Variants in MAP4 observed in about 807,000 individuals in gnomAD.
MAP4 encodes microtubule-associated protein 4.
A neutral mutation model predicts 170.2 loss-of-function variants in MAP4; 76 were observed. The observed-to-expected ratio is 0.45, with a 90% CI of 0.37 to 0.54. The LOEUF is 0.54. MAP4 is among the 20% of genes least tolerant of loss of function. The pLI is 0.00. For missense variants in MAP4, 2,506 were observed against 2,748.0 expected (o/e 0.91, Z 1.97); for synonymous variants, 909 against 994.5 (o/e 0.91, Z 1.62).
intron 1 of MAP4, among the ~76,000 whole-genome samples, chr3:48,073,042 C>A (rs1427990477): frequency 6.7e-6 from 1 of 148,730 alleles, no homozygotes; most frequent in Non-Finnish European, 1.5e-5. Context: ...ACGAGCCTGG[C>A]CAACATGGTG....
At chr3:48,005,128 G>A (rs1474972020) in intron 1 of MAP4, among the ~76,000 whole-genome samples, 2 of 152,142 alleles carry the variant, frequency 1.3e-5, no homozygotes, top group South Asian at 4.1e-4. Context: ...TTGTGAGGCC[G>A]AGGTGGGCGG....
chr3:48,007,671 C>T (rs1342228484), intron 1 of MAP4, among the ~76,000 whole-genome samples: 5 of 117,824 alleles, frequency 4.2e-5, no homozygotes, highest in Non-Finnish European at 8.6e-5. Flanking sequence ...CAGATAACTA[C>T]TCTCCTTTTT....
At chr3:47,943,771 T>C (rs893377520) in intron 3 of MAP4, among the ~76,000 whole-genome samples, 3 of 152,148 alleles carry the variant, frequency 2.0e-5, no homozygotes, top group South Asian at 2.1e-4. Context: ...AGGAAGGAGA[T>C]AACTTTAAGA....
At chr3:47,883,768 TGAAAA>T (rs1359658903) in intron 10 of MAP4, among the ~76,000 whole-genome samples, 2 of 152,170 alleles carry the variant, frequency 1.3e-5, no homozygotes, top group Admixed American at 6.6e-5. Context: ...TTTTGGCACT[TGAAAA>T]ATGTTGTGCC....
chr3:47,936,849 G>A (rs942292036), intron 3 of MAP4, among the ~76,000 whole-genome samples: 11 of 151,262 alleles, frequency 7.3e-5, no homozygotes, highest in African/African-American at 1.5e-4. Flanking sequence ...GCATGGTAGC[G>A]GGCTCCTGTA....
In MAP4 at chr3:47,850,787, A is replaced by C. The variant is rs2040370902; in HGVS notation, c.*2147T>G. 1 of 152,630 alleles carries C rather than the reference A, an allele frequency of 6.6e-6. No individual in the cohort carries two copies. The highest frequency in any genetic ancestry group is 1.5e-5 in the Non-Finnish European group (1 of 68,384). The allele number at this position is 152,630 out of a possible 1,614,324, so 9.5% of individuals were successfully genotyped here. On this transcript the variant is annotated 3_prime_UTR_variant, in exon 21 of 21. Transcript: ENST00000683076. ...CAGGTAATGGCTGAGCCATAAGCAAATCGAGAAGTACAGAAATGTCCCACC... is the reference window on the plus strand; with the variant it reads ...CAGGTAATGGCTGAGCCATAAGCAACTCGAGAAGTACAGAAATGTCCCACC...
At chr3:47,974,746 T>C (rs2100080977) in intron 3 of MAP4, 3 of 981,118 alleles carry the variant, frequency 3.1e-6, no homozygotes, top group Non-Finnish European at 3.6e-6. Context: ...CAATCTTAGA[T>C]TGTTAAGAGT....
chr3:47,924,471 CTA>C (rs902977821), intron 4 of MAP4, among the ~76,000 whole-genome samples: 3 of 152,172 alleles, frequency 2.0e-5, no homozygotes, highest in Non-Finnish European at 4.4e-5. Flanking sequence ...TTCTATCCTT[CTA>C]TGTTTTTTGC....
At chr3:48,076,745 T>A (rs2100144139) in intron 1 of MAP4, among the ~76,000 whole-genome samples, 1 of 152,112 alleles carries the variant, frequency 6.6e-6, no homozygotes, top group South Asian at 2.1e-4. Flanking sequence ...AGAGAAATCT[T>A]TATCACCTTA....
chr3:47,866,381 A>C (rs1290700066), intron 17 of MAP4, among the ~76,000 whole-genome samples: 1 of 151,674 alleles, frequency 6.6e-6, no homozygotes, highest in Non-Finnish European at 1.5e-5. Flanking sequence ...CAAACAAAAA[A>C]ACAGGAAAAG....
intron 3 of MAP4, chr3:47,975,149 A>C: frequency 8.8e-7 from 1 of 1,136,566 alleles, no homozygotes; most frequent in Non-Finnish European, 1.1e-6. Context: ...AATCATAAAG[A>C]AAACAAGAAA....
Position 47,909,051 on chromosome 3 carries a change from T to A in MAP4, c.5370A>T (p.Gln1790His). 1 of 1,612,796 alleles carries A rather than the reference T, an allele frequency of 6.2e-7. No individual in the cohort carries two copies. The highest frequency in any genetic ancestry group is 1.1e-5 in the South Asian group (1 of 90,872). ...GCAGGTTCATACCAGCGGACTTCAG[T>A]TGCTTATGTCTCTCTTGTTCCTGGA... The part of the protein sequence containing the change: ...STIQEQERHK[Q>H]LKSAVCLSSS... Residue 1790 changes from glutamine (Q) to histidine (H), a missense_variant, in exon 9 of 21, where the codon CAA (glutamine) becomes CAT (histidine). This residue lies in a region of MAP4 where 2,008 missense variants were observed against 2,206.0 expected (regional missense o/e 0.91). Transcript: ENST00000683076.
At position 47,909,022 on chromosome 3, in the gene MAP4, CATG is replaced by C. The variant is rs779425165; in HGVS notation, c.5383+13_5383+15del. On this transcript the variant is annotated intron_variant, in intron 9 of 20. Coordinates refer to ENST00000683076, the MANE Select transcript of MAP4 (RefSeq NM_001385682.1). ...AAAGCCACAAGCACACACATTTCCC[CATG>C]GCAGGTTCATACCAGCGGACTTCAG... is the stretch of plus-strand genomic sequence containing the variant. The C allele has an allele frequency of 1.9e-6, 3 of 1,601,854 alleles. No homozygotes were observed. The African/African-American group carries it at 4.0e-5, about 22-fold the overall frequency.
intron 12 of MAP4, 70 bp from the exon 13 acceptor site, chr3:47,872,170 C>T (rs773299829): frequency 3.8e-5 from 51 of 1,349,466 alleles, no homozygotes; most frequent in Non-Finnish European, 4.6e-5. Context: ...CTACAAGATG[C>T]TTCTTTTTTT....
intron 10 of MAP4, among the ~76,000 whole-genome samples, chr3:47,882,902 G>A (rs140189945): frequency 2.6e-5 from 4 of 152,136 alleles, no homozygotes; most frequent in African/African-American, 7.2e-5. Context: ...TGCCTCCCAG[G>A]TTCAAGTGAT....
In MAP4 at chr3:47,949,984, G is replaced by C. The variant is rs200764264; in HGVS notation, c.293-21634C>G. ...GAGCAGCTTCCTAGACAGTTTTGTT[G>C]GCACTCCAGCAAACAATACTCTTGC... On this transcript the variant is annotated intron_variant, in intron 3 of 20. Transcript: ENST00000683076. 3.3e-5 allele frequency among the ~76,000 whole-genome samples: 5 copies of C among 152,234 alleles called. No homozygotes were observed. The East Asian group carries it at 9.6e-4, about 29-fold the overall frequency.
chr3:47,865,436 C>T (rs2151458559), intron 17 of MAP4, among the ~76,000 whole-genome samples: 1 of 152,252 alleles, frequency 6.6e-6, no homozygotes, highest in South Asian at 2.1e-4. Flanking sequence ...AGCAATTCCA[C>T]CCGAGTGTAA....
chr3:48,013,858 C>A (rs1205574206), intron 1 of MAP4, among the ~76,000 whole-genome samples: 1 of 152,068 alleles, frequency 6.6e-6, no homozygotes, highest in Non-Finnish European at 1.5e-5. Context: ...ACCACTCTGC[C>A]AGAAAATAAG....
chr3:48,021,510 G>A (rs1450366904), intron 1 of MAP4, among the ~76,000 whole-genome samples: 1 of 152,060 alleles, frequency 6.6e-6, no homozygotes, highest in Non-Finnish European at 1.5e-5. Context: ...ACCACATCCG[G>A]CTAATTTTTG....
Sources: gnomAD v4.1 joint callset for allele counts (sites outside exome capture counted in the v4.1 genomes callset) on GRCh38, gnomAD v4.1.1 for gene constraint, gnomAD v4.1.1 regional missense constraint, MANE v1.5 for transcripts, NCBI Gene and HGNC (gene_info 2026-07-23, HGNC 2026-07-21) for gene names.